Variants in SLC9B1 observed in about 807,000 individuals in gnomAD.
SLC9B1 encodes sodium/hydrogen exchanger 9B1.
SLC9B1 carries 32 observed loss-of-function variants against 51.7 expected under a neutral mutation model. That is an observed-to-expected ratio of 0.62 (90% CI 0.47 to 0.83). SLC9B1 has a LOEUF of 0.83. Among genes scored for constraint, SLC9B1 ranks in the 40% least tolerant of loss-of-function variants. SLC9B1 has a pLI of 0.00. For synonymous variants in SLC9B1, 145 were observed against 212.7 expected, an observed-to-expected ratio of 0.68 and a Z score of 2.77; for missense variants, 406 against 613.2, an observed-to-expected ratio of 0.66 and a Z score of 3.57.
chr4:102,893,563 T>A (rs12512223), intron 11 of SLC9B1, among the ~76,000 whole-genome samples: 87,794 of 141,042 alleles, frequency 0.62, 26,468 homozygotes, highest in African/African-American at 0.79. Flanking sequence ...AAATTTTTTT[T>A]AAAAAGAAAA....
intron 1 of SLC9B1, among the ~76,000 whole-genome samples, chr4:103,013,913 C>T (rs1369826146): frequency 1.3e-5 from 2 of 152,204 alleles, no homozygotes; most frequent in African/African-American, 2.4e-5. Flanking sequence ...CATTTCCCCA[C>T]CTAAACACCG....
chr4:102,991,765 T>A, intron 1 of SLC9B1, 53 bp from the exon 2 acceptor site: 1 of 1,281,316 alleles, frequency 7.8e-7, no homozygotes, highest in Non-Finnish European at 1.1e-6. Flanking sequence ...TATAAATCCA[T>A]ATGAAAACAA....
chr4:102,893,148 G>A (rs1296961429), intron 11 of SLC9B1, among the ~76,000 whole-genome samples: 1 of 151,708 alleles, frequency 6.6e-6, no homozygotes, highest in Admixed American at 6.6e-5. Flanking sequence ...TGGGCATGAT[G>A]GCGGATGCCT....
chr4:102,966,471 C>T (rs887284460), intron 3 of SLC9B1, among the ~76,000 whole-genome samples: 4 of 152,304 alleles, frequency 2.6e-5, no homozygotes, highest in Middle Eastern at 3.4e-3. Context: ...TCCACGACTG[C>T]GTGCCACCAA....
intron 3 of SLC9B1, among the ~76,000 whole-genome samples, chr4:102,951,641 G>T (rs1737561957): frequency 1.3e-5 from 2 of 150,470 alleles, no homozygotes; most frequent in Non-Finnish European, 3.0e-5. Flanking sequence ...GCTGAAGAGA[G>T]AACACAGCAA....
intron 7 of SLC9B1, among the ~76,000 whole-genome samples, chr4:102,918,923 C>G (rs1009532739): frequency 2.6e-5 from 4 of 152,216 alleles, no homozygotes; most frequent in Non-Finnish European, 5.9e-5. Flanking sequence ...ACTAGCATAT[C>G]AACCCGACAC....
chr4:103,002,215 T>G (rs961408306), intron 1 of SLC9B1, among the ~76,000 whole-genome samples: 3 of 152,218 alleles, frequency 2.0e-5, no homozygotes, highest in Non-Finnish European at 4.4e-5. Flanking sequence ...CAGGCATACC[T>G]TACCATTTCC....
At chr4:103,008,920 C>T (rs1412329468) in intron 1 of SLC9B1, among the ~76,000 whole-genome samples, 1 of 150,774 alleles carries the variant, frequency 6.6e-6, no homozygotes, top group African/African-American at 2.4e-5. Context: ...CTGCCTCAGT[C>T]TCCCGAGCAG....
chr4:102,928,582 T>A (rs1736302338), intron 7 of SLC9B1, among the ~76,000 whole-genome samples: 2 of 152,212 alleles, frequency 1.3e-5, no homozygotes, highest in South Asian at 4.1e-4. Context: ...AGGTATTTTA[T>A]AGCATTACTC....
intron 6 of SLC9B1, among the ~76,000 whole-genome samples, chr4:102,943,634 A>G (rs1035888567): frequency 1.3e-5 from 2 of 152,154 alleles, no homozygotes; most frequent in Non-Finnish European, 2.9e-5. Flanking sequence ...AAGTGAAGTA[A>G]TTCAGGAATG....
chr4:102,958,901 T>C (rs772808342), intron 3 of SLC9B1, among the ~76,000 whole-genome samples: 41 of 150,016 alleles, frequency 2.7e-4, no homozygotes, highest in Non-Finnish European at 5.2e-4. Flanking sequence ...CCAGCCTGGG[T>C]GACAGAACGA....
chr4:102,891,721 C>T (rs1237489871), intron 11 of SLC9B1: 3 of 152,254 alleles, frequency 2.0e-5, no homozygotes, highest in South Asian at 2.1e-4. Flanking sequence ...TAATTTACTA[C>T]ATAATTATTT....
intron 1 of SLC9B1, among the ~76,000 whole-genome samples, chr4:103,009,912 G>T (rs897185009): frequency 9.2e-6 from 1 of 108,416 alleles, no homozygotes; most frequent in African/African-American, 4.3e-5. Flanking sequence ...TTCAAACTAG[G>T]TCAGTATTTT....
intron 3 of SLC9B1, among the ~76,000 whole-genome samples, chr4:102,986,854 G>A (rs1383877186): frequency 6.6e-6 from 1 of 152,026 alleles, no homozygotes; most frequent in Admixed American, 6.6e-5. Context: ...ATACTCATCT[G>A]TTCTTACATG....
chr4:102,995,943 C>T (rs139885532), intron 1 of SLC9B1, among the ~76,000 whole-genome samples: 2 of 152,168 alleles, frequency 1.3e-5, no homozygotes, highest in African/African-American at 4.8e-5. Flanking sequence ...CTATTATCCC[C>T]ATTTTATAGA....
At chr4:102,904,381 C>T (rs538432621) in intron 11 of SLC9B1, among the ~76,000 whole-genome samples, 22 of 151,950 alleles carry the variant, frequency 1.4e-4, no homozygotes, top group Non-Finnish European at 2.4e-4. Context: ...TTTTTAAAAT[C>T]ATAACATTTA....
At chr4:102,925,831 G>T (rs1178239776) in intron 7 of SLC9B1, among the ~76,000 whole-genome samples, 5 of 152,042 alleles carry the variant, frequency 3.3e-5, no homozygotes, top group African/African-American at 9.7e-5. Flanking sequence ...GATGAACATC[G>T]ATGCAAAAAT....
At chr4:102,971,446 C>T (rs1560960096) in intron 3 of SLC9B1, among the ~76,000 whole-genome samples, 3 of 151,938 alleles carry the variant, frequency 2.0e-5, no homozygotes, top group Non-Finnish European at 4.4e-5. Flanking sequence ...CCAACGAGAA[C>T]AAAGACACAA....
At chr4:102,917,591 G>A (rs1483709474) in intron 7 of SLC9B1, among the ~76,000 whole-genome samples, 4 of 151,800 alleles carry the variant, frequency 2.6e-5, no homozygotes, top group African/African-American at 4.8e-5. Context: ...AAATAAAAAT[G>A]GAAACACAAC....
Sources: allele counts gnomAD v4.1 joint callset (sites outside exome capture counted in the v4.1 genomes callset), GRCh38; gene constraint gnomAD v4.1.1; transcripts MANE v1.5; gene names NCBI Gene and HGNC (gene_info 2026-07-23, HGNC 2026-07-21).